SLC25A26: variants seen among roughly 807,000 people sequenced by gnomAD.
SLC25A26 encodes mitochondrial S-adenosylmethionine carrier protein.
In SLC25A26, 36 loss-of-function variants were observed where a neutral mutation model predicts 37.8. That is an observed-to-expected ratio of 0.95 (90% CI 0.73 to 1.26). The LOEUF is 1.26. Ranked by LOEUF, SLC25A26 falls within the 50% of genes most tolerant of loss-of-function variation. SLC25A26 has a pLI of 0.00. For missense variants in SLC25A26, 390 were observed against 331.1 expected (o/e 1.18, Z -1.38); for synonymous variants, 129 against 122.5 (o/e 1.05, Z -0.35).
chr3:66,378,834 A>T lies in SLC25A26; in HGVS notation c.*1027A>T, dbSNP rs999268370. 6.6e-6 allele frequency: 1 copy of T among 152,578 alleles called. No individual in the cohort carries two copies. Among genetic ancestry groups the T allele is most frequent in the Admixed American group, 6.5e-5 (1 of 15,286 alleles). 9.5% of individuals were successfully genotyped at this position (152,578 alleles called of 1,614,324 possible). ...ATGAACCTTTATTAAAGACACTTCA[A>T]TGCCATTTGTTAGACACTTCAATAT... On this transcript the variant is annotated 3_prime_UTR_variant, in exon 10 of 10. Transcript: ENST00000354883.
At chr3:66,234,912 G>A (rs1156394084) in intron 1 of SLC25A26, among the ~76,000 whole-genome samples, 1 of 152,062 alleles carries the variant, frequency 6.6e-6, no homozygotes. Context: ...TCAAAATATA[G>A]CAAAAAATAG....
chr3:66,367,726 A>ATT (rs1177762329), intron 7 of SLC25A26, among the ~76,000 whole-genome samples: 29 of 152,078 alleles, frequency 1.9e-4, no homozygotes, highest in African/African-American at 6.5e-4. Flanking sequence ...AGAGAGAGAG[A>ATT]GAGAGACAGA....
chr3:66,292,243 C>T (rs1365299828), intron 5 of SLC25A26, among the ~76,000 whole-genome samples: 1 of 152,160 alleles, frequency 6.6e-6, no homozygotes, highest in Non-Finnish European at 1.5e-5. Context: ...TGGGTCTTCA[C>T]TCTTTATCCA....
intron 5 of SLC25A26, among the ~76,000 whole-genome samples, chr3:66,292,837 G>T (rs2074761450): frequency 6.6e-6 from 1 of 152,124 alleles, no homozygotes; most frequent in Admixed American, 6.5e-5. Context: ...AGCCTCTCTT[G>T]CTAGGTTGGG....
At chr3:66,251,897 T>A (rs2073099279) in intron 3 of SLC25A26, among the ~76,000 whole-genome samples, 1 of 152,232 alleles carries the variant, frequency 6.6e-6, no homozygotes, top group African/African-American at 2.4e-5. Context: ...TTGATTTTTT[T>A]ATTTAGTTAG....
chr3:66,284,128 C>G (rs1370390236), intron 5 of SLC25A26, among the ~76,000 whole-genome samples: 3 of 152,308 alleles, frequency 2.0e-5, no homozygotes, highest in East Asian at 3.9e-4. Context: ...AAGAGGGTCA[C>G]TTGAGCCCAG....
chr3:66,225,413 G>C lies in SLC25A26; in HGVS notation c.33+4286G>C, dbSNP rs371040163. Among the ~76,000 whole-genome samples, 346 of 152,274 alleles carry C rather than the reference G, an allele frequency of 2.3e-3. 1 individual carries two copies. Among genetic ancestry groups the C allele is most frequent in the African/African-American group, 7.7e-3 (319 of 41,556 alleles). Reference sequence around the variant, plus strand: ...TCTACCTTGGCCCCTTCTAGCCACGGCTGTAATGGCTGGGACACAGGGCAC... The same window carrying C: ...TCTACCTTGGCCCCTTCTAGCCACGCCTGTAATGGCTGGGACACAGGGCAC... On this transcript the variant is annotated intron_variant, in intron 1 of 9. Transcript: ENST00000354883.
At chr3:66,340,669 T>G (rs544034228) in intron 5 of SLC25A26, among the ~76,000 whole-genome samples, 1 of 152,082 alleles carries the variant, frequency 6.6e-6, no homozygotes, top group East Asian at 1.9e-4. Context: ...AAATATTGTT[T>G]ATGAACACTC....
chr3:66,373,984 GCCA>G (rs1223756571), intron 9 of SLC25A26, among the ~76,000 whole-genome samples: 1 of 150,568 alleles, frequency 6.6e-6, no homozygotes, highest in African/African-American at 2.5e-5. Flanking sequence ...TTCTCTCCAG[GCCA>G]CCAGCTTGCT....
chr3:66,365,521 AT>A (rs1261487654), intron 7 of SLC25A26, among the ~76,000 whole-genome samples: 1 of 152,126 alleles, frequency 6.6e-6, no homozygotes, highest in African/African-American at 2.4e-5. Context: ...TAATTATGAC[AT>A]TTGCTACTAT....
chr3:66,222,434 G>T (rs1553658912), intron 1 of SLC25A26, among the ~76,000 whole-genome samples: 2 of 152,152 alleles, frequency 1.3e-5, no homozygotes, highest in Non-Finnish European at 2.9e-5. Flanking sequence ...GCCCGCCTCG[G>T]CCTCCCAAAG....
At chr3:66,334,041 C>A (rs1037132394) in intron 5 of SLC25A26, among the ~76,000 whole-genome samples, 4 of 152,106 alleles carry the variant, frequency 2.6e-5, no homozygotes, top group African/African-American at 9.7e-5. Flanking sequence ...TTTATGTTTT[C>A]ATTCCCTTAA....
chr3:66,343,988 G>C (rs996263629), intron 5 of SLC25A26, among the ~76,000 whole-genome samples: 1 of 152,162 alleles, frequency 6.6e-6, no homozygotes, highest in Non-Finnish European at 1.5e-5. Flanking sequence ...GGGGCTGGCT[G>C]CCTGTTTATG....
chr3:66,331,598 A>G (rs531959146), intron 5 of SLC25A26, among the ~76,000 whole-genome samples: 2 of 152,088 alleles, frequency 1.3e-5, no homozygotes, highest in Non-Finnish European at 2.9e-5. Context: ...TCTTTGCTGC[A>G]TATTTTAACT....
chr3:66,216,531 CA>C (rs1224277112), upstream of SLC25A26, among the ~76,000 whole-genome samples: 1 of 151,504 alleles, frequency 6.6e-6, no homozygotes, highest in African/African-American at 2.4e-5. Flanking sequence ...AACAAATAAA[CA>C]AAAAACAACA....
chr3:66,311,676 G>A lies in SLC25A26; in HGVS notation c.454-34688G>A, dbSNP rs139785534. ...GATGACTTTTGGATAGGGTTTTTGC[G>A]TGGGTGTCCTTTTTGTTTTTGTTGA... On this transcript the variant is annotated intron_variant, in intron 5 of 9. Coordinates refer to ENST00000354883, the MANE Select transcript of SLC25A26 (RefSeq NM_001379210.1). Among the ~76,000 whole-genome samples, 1,019 of 152,092 alleles carry A rather than the reference G, an allele frequency of 6.7e-3. 13 individuals are homozygous for A. The highest frequency in any genetic ancestry group is 0.024 in the African/African-American group (982 of 41,474).
At chr3:66,140,271 C>A (rs1413515143) in intron 1 of SLC25A26, among the ~76,000 whole-genome samples, 2 of 152,108 alleles carry the variant, frequency 1.3e-5, no homozygotes, top group African/African-American at 4.8e-5. Context: ...CTTTTCTGAA[C>A]CAATGATTAG....
chr3:66,145,425 T>C (rs1232593282), intron 1 of SLC25A26, among the ~76,000 whole-genome samples: 2 of 152,218 alleles, frequency 1.3e-5, no homozygotes, highest in Admixed American at 6.5e-5. Flanking sequence ...TTTGTGGAAG[T>C]ACCAACTGGT....
chr3:66,241,714 A>G (rs555194684), intron 2 of SLC25A26, among the ~76,000 whole-genome samples: 13 of 152,066 alleles, frequency 8.5e-5, no homozygotes, highest in Admixed American at 2.6e-4. Flanking sequence ...TTCTTTTGCT[A>G]TTGGTTACGG....
Sources: gnomAD v4.1 joint callset for allele counts (sites outside exome capture counted in the v4.1 genomes callset) on GRCh38, gnomAD v4.1.1 for gene constraint, MANE v1.5 for transcripts, NCBI Gene and HGNC (gene_info 2026-07-23, HGNC 2026-07-21) for gene names.